Variants in CADPS observed in about 807,000 individuals in gnomAD.
The protein encoded by CADPS is calcium-dependent secretion activator 1.
In CADPS, 57 loss-of-function variants were observed where a neutral mutation model predicts 167.3. That is an observed-to-expected ratio of 0.34 (90% CI 0.28 to 0.42). The LOEUF (loss-of-function observed/expected upper bound fraction) is 0.42, where lower values mean the gene tolerates loss of function less well. Ranked by LOEUF, CADPS falls within the 20% of genes least tolerant of loss-of-function variation. CADPS has a pLI of 1.00. For missense variants in CADPS, 1,414 were observed against 1,738.1 expected (o/e 0.81, Z 3.32); for synonymous variants, 676 against 635.3 (o/e 1.06, Z -0.96).
At chr3:62,849,187 G>A (rs1225551810) in intron 1 of CADPS, among the ~76,000 whole-genome samples, 1 of 150,098 alleles carries the variant, frequency 6.7e-6, no homozygotes, top group Non-Finnish European at 1.5e-5. Flanking sequence ...CTGAGACAAT[G>A]GGGTTTTCTA....
intron 1 of CADPS, among the ~76,000 whole-genome samples, chr3:62,859,900 C>T (rs181148072): frequency 2.0e-5 from 3 of 152,258 alleles, no homozygotes; most frequent in Admixed American, 2.0e-4. Flanking sequence ...CTCTATTTGC[C>T]AATCACCCAG....
chr3:62,588,297 C>CTTTTTT (rs34533495), intron 7 of CADPS, among the ~76,000 whole-genome samples: 1 of 139,842 alleles, frequency 7.2e-6, no homozygotes. Flanking sequence ...CCAGGTCTTT[C>CTTTTTT]TTTTTTTTTT....
At chr3:62,619,400 G>A (rs550194436) in intron 6 of CADPS, among the ~76,000 whole-genome samples, 5 of 152,188 alleles carry the variant, frequency 3.3e-5, no homozygotes, top group East Asian at 3.9e-4. Flanking sequence ...AGCCCTACAC[G>A]TGCTGCATTC....
chr3:62,536,596 A>G lies in CADPS; in HGVS notation c.1967-15T>C, dbSNP rs559706737. On this transcript the variant is annotated splice_polypyrimidine_tract_variant and intron_variant, in intron 11 of 29. Coordinates refer to ENST00000383710, the MANE Select transcript of CADPS (RefSeq NM_003716.4). ...TCTATCTGCGTCTGTTCATTTATAC[A>G]TGTAGAGAGAGACACAATTTAGAGA... The G allele has an allele frequency of 2.5e-6, 4 of 1,610,032 alleles. No homozygotes were observed. The highest frequency in any genetic ancestry group is 3.4e-5 in the Admixed American group (2 of 59,406).
chr3:62,516,559 A>G, intron 15 of CADPS, 21 bp downstream of exon 15: 1 of 1,559,186 alleles, frequency 6.4e-7, no homozygotes, highest in South Asian at 1.2e-5. Flanking sequence ...TATGTGATCT[A>G]TCTTTTACTT....
In CADPS at chr3:62,648,691, C is replaced by CACAAAAAAAAAAAAAA. The variant is rs1554036229; in HGVS notation, c.1203+2155_1203+2156insTTTTTTTTTTTTTTGT. On this transcript the variant is annotated intron_variant, in intron 5 of 29. Coordinates refer to ENST00000383710, the MANE Select transcript of CADPS (RefSeq NM_003716.4). The stretch of plus-strand genomic sequence containing the variant: ...TGGGCAACAGAGTGAGACGTTGTGT[C>CACAAAAAAAAAAAAAA]AAAAAAAAAAAAAAGAGGAAAGAAA... 3.7e-4 allele frequency among the ~76,000 whole-genome samples: 20 copies of CACAAAAAAAAAAAAAA among 54,524 alleles called. 1 individual carries two copies. The highest frequency in any genetic ancestry group is 6.7e-4 in the Non-Finnish European group (18 of 26,888). The allele number at this position is 54,524 out of a possible 152,430, so 35.8% of individuals were successfully genotyped here.
At chr3:62,720,329 G>A (rs1182714530) in intron 3 of CADPS, among the ~76,000 whole-genome samples, 1 of 141,118 alleles carries the variant, frequency 7.1e-6, no homozygotes, top group Non-Finnish European at 1.5e-5. Context: ...GCTTTTGTTT[G>A]TTTGTTTGTT....
Position 62,533,022 on chromosome 3 carries a change from C to T in CADPS, c.2140G>A (p.Glu714Lys). 1 of 1,613,670 alleles carries T rather than the reference C, an allele frequency of 6.2e-7. No individual in the cohort carries two copies. Among genetic ancestry groups the T allele is most frequent in the Non-Finnish European group, 8.5e-7 (1 of 1,179,776 alleles). ...CGGACTCCATTTCGGGCGCAATACT[C>T]GTCTAGTACAAACACCTGGCCAGGA... ...FSPGQVFVLD[E>K]YCARNGVRGC... The change falls in exon 13 of 30, where the codon GAG becomes AAG. Residue 714 changes from glutamate to lysine, a missense_variant. Around this residue, in one of 6 missense-constraint regions of CADPS, gnomAD observed 529 missense variants for 629.6 expected, o/e 0.84. Coordinates refer to ENST00000383710, the MANE Select transcript of CADPS (RefSeq NM_003716.4).
intron 1 of CADPS, among the ~76,000 whole-genome samples, chr3:62,822,035 T>C (rs977422209): frequency 6.6e-6 from 1 of 152,174 alleles, no homozygotes; most frequent in African/African-American, 2.4e-5. Context: ...CAAGCCAGTG[T>C]TGGTGCATCA....
intron 6 of CADPS, among the ~76,000 whole-genome samples, chr3:62,617,511 T>A (rs1339393321): frequency 6.6e-6 from 1 of 152,152 alleles, no homozygotes; most frequent in African/African-American, 2.4e-5. Flanking sequence ...GTGCTTAGAG[T>A]TAGTGTGGAC....
At chr3:62,833,781 A>G (rs2075488971) in intron 1 of CADPS, among the ~76,000 whole-genome samples, 1 of 152,102 alleles carries the variant, frequency 6.6e-6, no homozygotes, top group Admixed American at 6.6e-5. Flanking sequence ...CCCAAAACAG[A>G]GTGTCTCCAT....
chr3:62,862,496 A>G (rs141355020), intron 1 of CADPS, among the ~76,000 whole-genome samples: 2,027 of 152,294 alleles, frequency 0.013, 38 homozygotes, highest in African/African-American at 0.046. Flanking sequence ...GGTGTGAGCC[A>G]CTGTGCCCTG....
At chr3:62,485,724 G>A (rs2062716990) in intron 21 of CADPS, among the ~76,000 whole-genome samples, 1 of 152,120 alleles carries the variant, frequency 6.6e-6, no homozygotes, top group Non-Finnish European at 1.5e-5. Context: ...AACATTTATT[G>A]AGCACCTGTT....
chr3:62,872,322 G>A (rs539005625), intron 1 of CADPS, among the ~76,000 whole-genome samples: 1 of 152,206 alleles, frequency 6.6e-6, no homozygotes, highest in African/African-American at 2.4e-5. Flanking sequence ...CTTTCTACTT[G>A]AAGGAGCAAA....
At position 62,469,712 on chromosome 3, in the gene CADPS, G is replaced by A. The variant is rs531999282; in HGVS notation, c.3478-3299C>T. ...TTTAGTAGAAACAGGGTTTCACCAC[G>A]TTGGCCAAGGTGGTCCCGATCTCTT... is the stretch of plus-strand genomic sequence containing the variant. On this transcript the variant is annotated intron_variant, in intron 24 of 29. Transcript: ENST00000383710. 6 of 173,392 alleles carry A rather than the reference G, an allele frequency of 3.5e-5. No homozygotes were observed. The East Asian group carries it at 5.6e-4, about 16-fold the overall frequency. 10.7% of individuals were successfully genotyped at this position (173,392 alleles called of 1,614,324 possible).
Position 62,503,061 on chromosome 3 carries a change from A to G in CADPS, c.2600-3793T>C, listed in dbSNP as rs564598937. On this transcript the variant is annotated intron_variant, in intron 17 of 29. Coordinates refer to ENST00000383710, the MANE Select transcript of CADPS (RefSeq NM_003716.4). ...CCAGTGTCACCAGCAACCCCCACCCACCACCACCACCGAGACACTCAGAGG... is the reference window on the plus strand; with the variant it reads ...CCAGTGTCACCAGCAACCCCCACCCGCCACCACCACCGAGACACTCAGAGG... Among the ~76,000 whole-genome samples the G allele has an allele frequency of 3.3e-3, 496 of 152,046 alleles. 1 individual carries two copies. The highest frequency in any genetic ancestry group is 0.012 in the African/African-American group (479 of 41,448).
rs1575523652 is a variant in CADPS at position 62,399,669 on chromosome 3, G to C, written c.3883-84C>G. ...AAGGTAAAAGCAGGTGTGGGTGGGA[G>C]AGCACTGACCTTCAGCTAAATATCA... On this transcript the variant is annotated intron_variant, in intron 29 of 29. Coordinates refer to ENST00000383710, the MANE Select transcript of CADPS (RefSeq NM_003716.4). This position sits in a 1 kb window ranked among gnomAD's most constrained non-coding sequence, Gnocchi z 5.6. The C allele has an allele frequency of 4.5e-6, 5 of 1,116,642 alleles. No individual in the cohort carries two copies. Among genetic ancestry groups the C allele is most frequent in the South Asian group, 2.8e-5 (2 of 72,486 alleles). 69.2% of individuals were successfully genotyped at this position (1,116,642 alleles called of 1,614,324 possible). A position where few individuals can be genotyped will look rare whatever the true frequency, so the allele number is the denominator to read the frequency against.
At chr3:62,505,956 A>C (rs1321499751) in intron 17 of CADPS, among the ~76,000 whole-genome samples, 2 of 152,226 alleles carry the variant, frequency 1.3e-5, no homozygotes, top group Non-Finnish European at 2.9e-5. Flanking sequence ...GTATACATAC[A>C]AACTACACAG....
intron 1 of CADPS, among the ~76,000 whole-genome samples, chr3:62,846,078 TCTCTC>T (rs2077384703): frequency 6.9e-6 from 1 of 144,262 alleles, no homozygotes; most frequent in Non-Finnish European, 1.6e-5. Flanking sequence ...TCTCTCTCTC[TCTCTC>T]CTGCCACCAT....
Sources: gnomAD v4.1 joint callset for allele counts (sites outside exome capture counted in the v4.1 genomes callset) on GRCh38, gnomAD v4.1.1 for gene constraint, gnomAD v4.1.1 regional missense constraint, Gnocchi (gnomAD v3.1) non-coding constraint, MANE v1.5 for transcripts, NCBI Gene and HGNC (gene_info 2026-07-23, HGNC 2026-07-21) for gene names.